The following LRP1B variants were observed in gnomAD, a reference collection of about 807,000 sequenced individuals.
The protein encoded by LRP1B is low-density lipoprotein receptor-related protein 1B.
In LRP1B, 217 loss-of-function variants were observed where a neutral mutation model predicts 556.6. That is an observed-to-expected ratio of 0.39 (90% CI 0.35 to 0.44). The LOEUF is 0.44. LRP1B is among the 20% of genes least tolerant of loss of function. The pLI, the probability that LRP1B is intolerant of heterozygous loss-of-function variation, is 1.00. For synonymous variants in LRP1B, 2,047 were observed against 1,865.8 expected (o/e 1.10, Z -2.50); for missense variants, 5,053 against 5,620.8 (o/e 0.90, Z 3.23).
intron 7 of LRP1B, among the ~76,000 whole-genome samples, chr2:141,094,290 A>T (rs1700241837): frequency 6.6e-6 from 1 of 152,190 alleles, no homozygotes; most frequent in African/African-American, 2.4e-5. Context: ...CACTAAATAT[A>T]AACATAGTAT....
chr2:141,514,190 C>T (rs10200578), intron 2 of LRP1B, among the ~76,000 whole-genome samples: 148,309 of 152,158 alleles, frequency 0.97, 72,390 homozygotes, highest in East Asian at 1. Context: ...GCCATTTTGA[C>T]GACCTCTCAG....
intron 87 of LRP1B, among the ~76,000 whole-genome samples, chr2:140,240,506 C>A (rs1680903711): frequency 6.7e-6 from 1 of 149,798 alleles, no homozygotes; most frequent in Non-Finnish European, 1.5e-5. Context: ...ATAATGTGAC[C>A]CACAGGAGAA....
At chr2:141,616,280 C>T (rs982242502) in intron 2 of LRP1B, among the ~76,000 whole-genome samples, 2 of 94,168 alleles carry the variant, frequency 2.1e-5, no homozygotes, top group Non-Finnish European at 4.0e-5. Flanking sequence ...GACTCTGTCT[C>T]AAGAAAATAA....
intron 3 of LRP1B, among the ~76,000 whole-genome samples, chr2:141,390,750 T>C (rs1690021123): frequency 6.6e-6 from 1 of 152,158 alleles, no homozygotes. Context: ...AGAGAGAAGG[T>C]GGACTGGTAG....
chr2:141,640,508 TGG>T (rs1343963070), intron 2 of LRP1B, among the ~76,000 whole-genome samples: 3 of 152,132 alleles, frequency 2.0e-5, no homozygotes, highest in Non-Finnish European at 2.9e-5. Flanking sequence ...AGAAAGAGGC[TGG>T]GCACGGTGAC....
At chr2:141,254,056 T>C (rs1646143923) in intron 4 of LRP1B, among the ~76,000 whole-genome samples, 1 of 152,048 alleles carries the variant, frequency 6.6e-6, no homozygotes, top group African/African-American at 2.4e-5. Flanking sequence ...AATCCAGACA[T>C]TTAAAATAAA....
intron 1 of LRP1B, among the ~76,000 whole-genome samples, chr2:141,851,361 T>G (rs945588676): frequency 4.0e-5 from 6 of 151,868 alleles, no homozygotes; most frequent in Admixed American, 3.9e-4. Context: ...CAACCCTCCC[T>G]TTCTCTAAAT....
chr2:141,155,408 CTAT>C (rs1382831683), intron 7 of LRP1B, among the ~76,000 whole-genome samples: 1 of 151,634 alleles, frequency 6.6e-6, no homozygotes. Context: ...ATGAAATATA[CTAT>C]TTTTCTGGAA....
intron 7 of LRP1B, among the ~76,000 whole-genome samples, chr2:141,096,627 G>GA (rs1700315597): frequency 1.4e-3 from 73 of 50,488 alleles, no homozygotes; most frequent in South Asian, 2.2e-3. Context: ...ACGGGGAGAG[G>GA]GGGAGAGAGA....
intron 2 of LRP1B, among the ~76,000 whole-genome samples, chr2:141,722,170 G>C (rs1242931020): frequency 1.3e-5 from 2 of 152,178 alleles, no homozygotes; most frequent in African/African-American, 4.8e-5. Flanking sequence ...CTGATGTCAG[G>C]AGTTCGAGGC....
chr2:141,977,328 T>C (rs1701915387), intron 1 of LRP1B, among the ~76,000 whole-genome samples: 1 of 152,072 alleles, frequency 6.6e-6, no homozygotes. Context: ...TCCCAGCACT[T>C]TGGGAGGCCA....
In LRP1B at chr2:140,325,755, C is replaced by T. The variant is rs1402997573; in HGVS notation, c.12340+7G>A. 6.3e-7 allele frequency: 1 copy of T among 1,589,466 alleles called. No individual in the cohort carries two copies. The highest frequency in any genetic ancestry group is 1.7e-4 in the Middle Eastern group (1 of 6,000). On this transcript the variant is annotated splice_region_variant and intron_variant, in intron 80 of 90. Transcript: ENST00000389484. ...ATTAAAAATGAAGACAAAAGCACTTCACAAACCTTGTTTGCTGCTGACAGA... is the reference window on the plus strand; with the variant it reads ...ATTAAAAATGAAGACAAAAGCACTTTACAAACCTTGTTTGCTGCTGACAGA...
chr2:140,577,729 C>T (rs904914524), intron 43 of LRP1B, among the ~76,000 whole-genome samples: 1 of 152,118 alleles, frequency 6.6e-6, no homozygotes, highest in African/African-American at 2.4e-5. Flanking sequence ...GGTTGCACTA[C>T]AGATTTTAGA....
chr2:140,509,083 AACAC>A (rs61074935), intron 52 of LRP1B, among the ~76,000 whole-genome samples: 24,942 of 148,792 alleles, frequency 0.17, 2,241 homozygotes, highest in East Asian at 0.42. Context: ...CACACACACA[AACAC>A]ACACACACAC....
intron 41 of LRP1B, among the ~76,000 whole-genome samples, chr2:140,642,302 C>T (rs866265076): frequency 6.6e-6 from 1 of 152,150 alleles, no homozygotes; most frequent in East Asian, 1.9e-4. Context: ...CTCATTCCAC[C>T]GCTACACGCC....
chr2:141,792,697 A>G (rs932713917), intron 2 of LRP1B, among the ~76,000 whole-genome samples: 7 of 152,028 alleles, frequency 4.6e-5, no homozygotes, highest in East Asian at 3.9e-4. Flanking sequence ...TTCTATTTCT[A>G]TGAGGTCCAT....
chr2:140,798,620 C>T lies in LRP1B; in HGVS notation c.5359+15037G>A, dbSNP rs376654426. Among the ~76,000 whole-genome samples, 66 of 152,264 alleles carry T rather than the reference C, an allele frequency of 4.3e-4. No individual in the cohort carries two copies. The East Asian group carries it at 0.01, about 24-fold the overall frequency. Reference sequence around the variant, plus strand: ...ACCCCAGCACTATTGGCATTTTACCCCAAATAGTTCCTTGTTATGGGGGCT... The same window carrying T: ...ACCCCAGCACTATTGGCATTTTACCTCAAATAGTTCCTTGTTATGGGGGCT... On this transcript the variant is annotated intron_variant, in intron 32 of 90. Transcript: ENST00000389484.
Position 141,712,713 on chromosome 2 carries a change from C to T in LRP1B, c.205+97566G>A, listed in dbSNP as rs540341389. Among the ~76,000 whole-genome samples the T allele has an allele frequency of 4.3e-4, 65 of 152,020 alleles. 1 individual carries two copies. The highest frequency in any genetic ancestry group is 1.3e-3 in the African/African-American group (55 of 41,472). On this transcript the variant is annotated intron_variant, in intron 2 of 90. Transcript: ENST00000389484. Reference sequence around the variant, plus strand: ...AGACGGAGTTTCACTCTTGTTGCCCCGGCTAGAGTACAGTGGTGTGATCTT... The same window carrying T: ...AGACGGAGTTTCACTCTTGTTGCCCTGGCTAGAGTACAGTGGTGTGATCTT...
intron 32 of LRP1B, among the ~76,000 whole-genome samples, chr2:140,789,051 G>T (rs73964606): frequency 0.021 from 3,152 of 152,196 alleles, 114 homozygotes; most frequent in African/African-American, 0.07. Context: ...AATGTCTATT[G>T]TTTAAGATAC....
Sources: allele counts gnomAD v4.1 joint callset (sites outside exome capture counted in the v4.1 genomes callset), GRCh38; gene constraint gnomAD v4.1.1; transcripts MANE v1.5; gene names NCBI Gene and HGNC (gene_info 2026-07-23, HGNC 2026-07-21).